Variants in ZFP1 observed in about 807,000 individuals in gnomAD.
ZFP1 encodes the protein ZFP1 zinc finger protein.
ZFP1 carries 32 observed loss-of-function variants against 38.5 expected under a neutral mutation model. The ratio of observed to expected loss-of-function variants is 0.83; its 90% CI spans 0.63 to 1.12. The LOEUF is 1.12. Among genes scored for constraint, ZFP1 ranks in the 50% most tolerant of loss-of-function variants. The pLI is 0.00. For missense variants in ZFP1, 616 were observed against 480.8 expected, an observed-to-expected ratio of 1.28 and a Z score of -2.63; for synonymous variants, 245 against 168.8, an observed-to-expected ratio of 1.45 and a Z score of -3.50.
At chr16:75,121,629 A>G in the ZFP1 span, among the ~76,000 whole-genome samples, 2 of 152,202 alleles carry the variant, frequency 1.3e-5, no homozygotes, top group African/African-American at 2.4e-5. Context: ...GAGTGTATCC[A>G]TAAGATGTAC....
At chr16:75,159,766 A>G (rs1278963034) in intron 2 of ZFP1, among the ~76,000 whole-genome samples, 1 of 152,180 alleles carries the variant, frequency 6.6e-6, no homozygotes, top group Non-Finnish European at 1.5e-5. Context: ...GTTGTATGAT[A>G]CATAGCTCCT....
chr16:75,156,296 A>C (rs959780492), intron 2 of ZFP1, among the ~76,000 whole-genome samples: 3 of 152,134 alleles, frequency 2.0e-5, no homozygotes. Context: ...TTTACTAAAA[A>C]TACAAAAAAA....
At position 75,170,440 on chromosome 16, in the gene ZFP1, A is replaced by C; in HGVS notation, c.*106A>C. 1.4e-6 allele frequency: 2 copies of C among 1,394,738 alleles called. No individual in the cohort carries two copies. The allele number at this position is 1,394,738 out of a possible 1,614,324, so 86.4% of individuals were successfully genotyped here. ...AACATGGGAATTCATACTGAGATGC[A>C]ATCTCTCAACTCAAAAATGTATTAA... is the stretch of plus-strand genomic sequence containing the variant. On this transcript the variant is annotated 3_prime_UTR_variant, in exon 4 of 4. Coordinates refer to ENST00000570010, the MANE Select transcript of ZFP1 (RefSeq NM_153688.4).
At chr16:75,122,121 C>T in the ZFP1 span, among the ~76,000 whole-genome samples, 52 of 152,318 alleles carry the variant, frequency 3.4e-4, 2 homozygotes, top group East Asian at 0.01. Context: ...TTTTCACTTT[C>T]TGCAGAAAAG....
In ZFP1 at chr16:75,161,774, ATTTTTTTTTTTT is replaced by A. The variant is rs200925992; in HGVS notation, c.16-4981_16-4970del. ...TTTTATGAAATATATATATATATAT[ATTTTTTTTTTTT>A]TTTTTTTTTTTTTTCCTGAGATGGA... On this transcript the variant is annotated intron_variant, in intron 2 of 3. Coordinates refer to ENST00000570010, the MANE Select transcript of ZFP1 (RefSeq NM_153688.4). 5.1e-4 allele frequency among the ~76,000 whole-genome samples: 4 copies of A among 7,822 alleles called. 1 individual carries two copies. The East Asian group carries it at 6.7e-3, about 13-fold the overall frequency. 5.1% of individuals were successfully genotyped at this position (7,822 alleles called of 152,430 possible). A position where few individuals can be genotyped will look rare whatever the true frequency, so the allele number is the denominator to read the frequency against.
the ZFP1 span, among the ~76,000 whole-genome samples, chr16:75,136,328 A>G: frequency 2.6e-5 from 4 of 152,202 alleles, no homozygotes; most frequent in African/African-American, 7.2e-5. Flanking sequence ...TACTGTACTC[A>G]AGTCAATGAA....
At chr16:75,134,421 A>T in the ZFP1 span, among the ~76,000 whole-genome samples, 1 of 152,164 alleles carries the variant, frequency 6.6e-6, no homozygotes, top group African/African-American at 2.4e-5. Flanking sequence ...CAGCCTGGGC[A>T]TCAATAGCCA....
upstream of ZFP1, among the ~76,000 whole-genome samples, chr16:75,144,362 C>T (rs1396635181): frequency 2.0e-5 from 3 of 152,172 alleles, no homozygotes; most frequent in Non-Finnish European, 2.9e-5. Flanking sequence ...ATAACCCCCA[C>T]GTGGGTAATA....
chr16:75,120,454 T>TTCGTC, the ZFP1 span, among the ~76,000 whole-genome samples: 1 of 152,166 alleles, frequency 6.6e-6, no homozygotes, highest in African/African-American at 2.4e-5. Flanking sequence ...AACAGGCAAG[T>TTCGTC]TCGTCTCGTC....
At chr16:75,147,681 G>GC (rs2036971265), upstream of ZFP1, among the ~76,000 whole-genome samples, 1 of 151,760 alleles carries the variant, frequency 6.6e-6, no homozygotes, top group African/African-American at 2.4e-5. Flanking sequence ...GTGCTGGGGG[G>GC]ACATGGGTTA....
At chr16:75,151,103 C>G (rs145204702) in intron 1 of ZFP1, among the ~76,000 whole-genome samples, 1 of 152,208 alleles carries the variant, frequency 6.6e-6, no homozygotes, top group Non-Finnish European at 1.5e-5. Flanking sequence ...AAGCAGTCCA[C>G]CCACCTTTGC....
At chr16:75,128,906 TCAGC>T in the ZFP1 span, among the ~76,000 whole-genome samples, 1 of 152,196 alleles carries the variant, frequency 6.6e-6, no homozygotes, top group Non-Finnish European at 1.5e-5. Flanking sequence ...TTCTCCTGCC[TCAGC>T]CTCCCAAGTA....
rs1282808582 is a variant in ZFP1, at chr16:75,169,781, A to C, written c.671A>C (p.Lys224Thr). The change falls in exon 4 of 4, where the codon AAG (lysine) becomes ACG (threonine). Residue 224 changes from lysine (K) to threonine (T), a missense_variant. Physicochemically the swap from Lys to Thr is moderately conservative, Grantham distance 78. Transcript: ENST00000570010. ...GTATGTAAGAAAACCTTCTCCCATA[A>C]GGCCAACCTCATCAAACATCAGAGA... ...CNVCKKTFSH[K>T]ANLIKHQRIH... is the part of the protein sequence containing the mutation. 1 of 1,613,860 alleles carries C rather than the reference A, an allele frequency of 6.2e-7. No homozygotes were observed. The highest frequency in any genetic ancestry group is 1.1e-5 in the South Asian group (1 of 91,066).
intron 2 of ZFP1, among the ~76,000 whole-genome samples, chr16:75,153,911 C>T (rs7189541): frequency 0.87 from 132,777 of 152,198 alleles, 58,167 homozygotes; most frequent in Middle Eastern, 0.91. Context: ...TCTCCCTAGT[C>T]GTGTCTTTTC....
Position 75,170,395 on chromosome 16 carries a change from C to A in ZFP1, c.*61C>A, listed in dbSNP as rs1215489902. 10 of 1,499,774 alleles carry A rather than the reference C, an allele frequency of 6.7e-6. No homozygotes were observed. Among genetic ancestry groups the A allele is most frequent in the South Asian group, 1.4e-5 (1 of 69,688 alleles). The allele number at this position is 1,499,774 out of a possible 1,614,324, so 92.9% of individuals were successfully genotyped here. Reference sequence around the variant, plus strand: ...CAGAACTCTTCAAGCGGGTGAAAAACCTCATGACAGTATTGAGGGAACATG... The same window carrying A: ...CAGAACTCTTCAAGCGGGTGAAAAAACTCATGACAGTATTGAGGGAACATG... On this transcript the variant is annotated 3_prime_UTR_variant, in exon 4 of 4. Coordinates refer to ENST00000570010, the MANE Select transcript of ZFP1 (RefSeq NM_153688.4).
At chr16:75,139,498 C>T in the ZFP1 span, among the ~76,000 whole-genome samples, 1 of 151,710 alleles carries the variant, frequency 6.6e-6, no homozygotes, top group Admixed American at 6.6e-5. Context: ...TTGAGACCAG[C>T]CTGGGCAACA....
At chr16:75,157,358 C>G (rs2037522820) in intron 2 of ZFP1, 1 of 151,520 alleles carries the variant, frequency 6.6e-6, no homozygotes. Context: ...ATTCTCCCGC[C>G]TCAGCCTCCT....
chr16:75,166,377 G>T (rs1043633466), intron 2 of ZFP1, among the ~76,000 whole-genome samples: 2 of 152,156 alleles, frequency 1.3e-5, no homozygotes, highest in Admixed American at 6.6e-5. Context: ...GGGAGTACAG[G>T]CATGTGCCAC....
the ZFP1 span, among the ~76,000 whole-genome samples, chr16:75,120,907 A>G: frequency 4.0e-4 from 61 of 151,936 alleles, 1 homozygote; most frequent in Non-Finnish European, 6.8e-4. Context: ...TTACAGGCAT[A>G]AGCCACTGCA....
Sources: gnomAD v4.1 joint callset for allele counts (sites outside exome capture counted in the v4.1 genomes callset) on GRCh38, gnomAD v4.1.1 for gene constraint, MANE v1.5 for transcripts, NCBI Gene and HGNC (gene_info 2026-07-23, HGNC 2026-07-21) for gene names.